The following WDR43 variants were observed in gnomAD, a reference collection of about 807,000 sequenced individuals.
WDR43 encodes WD repeat-containing protein 43.
WDR43 carries 13 observed loss-of-function variants against 91.4 expected under a neutral mutation model. The observed-to-expected ratio is 0.14, with a 90% CI of 0.09 to 0.23. The LOEUF is 0.23. Among genes scored for constraint, WDR43 ranks in the 10% least tolerant of loss-of-function variants. The probability of loss-of-function intolerance (pLI) is 1.00; values close to 1 mark genes in which losing one functional copy is unlikely to be tolerated. For missense variants in WDR43, 780 were observed against 809.4 expected, an observed-to-expected ratio of 0.96 and a Z score of 0.44; for synonymous variants, 331 against 287.9, an observed-to-expected ratio of 1.15 and a Z score of -1.51.
Position 28,940,511 on chromosome 2 carries a change from T to A in WDR43, c.1621-950T>A, listed in dbSNP as rs1671415810. The stretch of plus-strand genomic sequence containing the variant: ...TCCCAAAGTGCTGGGATTACAGGCA[T>A]GAGCCACCGCGCCCAGCTGCCAGCG... On this transcript the variant is annotated intron_variant, in intron 14 of 17. Coordinates refer to ENST00000407426, the MANE Select transcript of WDR43 (RefSeq NM_015131.3). Among the ~76,000 whole-genome samples, 4 of 152,188 alleles carry A rather than the reference T, an allele frequency of 2.6e-5. No homozygotes were observed. The South Asian group carries it at 8.3e-4, about 31-fold the overall frequency.
chr2:28,929,334 T>C (rs1047796609), intron 10 of WDR43, among the ~76,000 whole-genome samples: 4 of 152,188 alleles, frequency 2.6e-5, no homozygotes, highest in African/African-American at 9.7e-5. Flanking sequence ...GAATGAACAT[T>C]TTCAAACTAT....
chr2:28,899,228 T>G (rs1159708440), intron 1 of WDR43, among the ~76,000 whole-genome samples: 1 of 152,260 alleles, frequency 6.6e-6, no homozygotes, highest in East Asian at 1.9e-4. Context: ...ATCTGTATAA[T>G]CTGTGCTGGG....
intron 7 of WDR43, 88 bp from the exon 8 acceptor site, chr2:28,924,894 C>G: frequency 6.7e-7 from 1 of 1,490,120 alleles, no homozygotes; most frequent in Non-Finnish European, 9.1e-7. Flanking sequence ...AGAGGGGGGT[C>G]ACATTTCGTG....
Position 28,946,961 on chromosome 2 carries a change from T to A in WDR43, c.*182T>A. 1.6e-6 allele frequency: 1 copy of A among 613,460 alleles called. No homozygotes were observed. Among genetic ancestry groups the A allele is most frequent in the African/African-American group, 1.8e-5 (1 of 54,158 alleles). The allele number at this position is 613,460 out of a possible 1,614,324, so 38.0% of individuals were successfully genotyped here. On this transcript the variant is annotated 3_prime_UTR_variant, in exon 18 of 18. Coordinates refer to ENST00000407426, the MANE Select transcript of WDR43 (RefSeq NM_015131.3). The stretch of plus-strand genomic sequence containing the variant: ...TGACTGTGTAAATAAGAGTGTTTCA[T>A]TCAAATGTTAATAAACTTTACACAG...
intron 4 of WDR43, chr2:28,913,730 C>G (rs759998918): frequency 5.6e-6 from 3 of 534,828 alleles, no homozygotes; most frequent in Non-Finnish European, 1.1e-5. Flanking sequence ...CCTACAATTC[C>G]TTGGCTGTGT....
At chr2:28,902,159 G>T in intron 2 of WDR43, 35 bp downstream of exon 2, 1 of 1,520,302 alleles carries the variant, frequency 6.6e-7, no homozygotes, top group South Asian at 1.3e-5. Flanking sequence ...AAAGTGATGT[G>T]ACAGGGAAGC....
intron 6 of WDR43, among the ~76,000 whole-genome samples, chr2:28,920,212 T>A (rs1323217005): frequency 7.9e-6 from 1 of 127,046 alleles, no homozygotes; most frequent in East Asian, 2.0e-4. Context: ...TAAAAATAAA[T>A]TTTTTTTCTT....
At chr2:28,942,516 C>T in intron 16 of WDR43, 135 bp downstream of exon 16, 2 of 905,702 alleles carry the variant, frequency 2.2e-6, no homozygotes, top group Non-Finnish European at 3.3e-6. Context: ...ATAGGCAAGT[C>T]CGTGGCAAAA....
chr2:28,898,576 C>G (rs1345037435), intron 1 of WDR43, among the ~76,000 whole-genome samples: 1 of 152,048 alleles, frequency 6.6e-6, no homozygotes, highest in Non-Finnish European at 1.5e-5. Context: ...GATTAGGAGA[C>G]TAATTGCAGA....
Position 28,943,761 on chromosome 2 carries a change from A to G in WDR43, c.1804+1380A>G, listed in dbSNP as rs182190520. Among the ~76,000 whole-genome samples the G allele has an allele frequency of 2.0e-5, 3 of 152,304 alleles. No homozygotes were observed. The East Asian group carries it at 5.8e-4, about 29-fold the overall frequency. On this transcript the variant is annotated intron_variant, in intron 16 of 17. Transcript: ENST00000407426. ...ACTGATAATTTATATGGAACAAAAA[A>G]TTTTACCATTATCACATCACACATC...
intron 2 of WDR43, among the ~76,000 whole-genome samples, chr2:28,902,519 G>A (rs1356621458): frequency 2.6e-5 from 4 of 152,230 alleles, no homozygotes; most frequent in African/African-American, 9.6e-5. Flanking sequence ...TTGAAGAGTG[G>A]CCCCATGGGC....
intron 10 of WDR43, among the ~76,000 whole-genome samples, chr2:28,929,126 T>A (rs1671196578): frequency 6.6e-6 from 1 of 152,250 alleles, no homozygotes; most frequent in Non-Finnish European, 1.5e-5. Context: ...GAAGACATTT[T>A]AAAAAATTGT....
In WDR43 at chr2:28,914,093, G is replaced by A; in HGVS notation, c.631G>A (p.Val211Ile). Reference protein sequence around the residue: ...YRHFTGHATPVSSLMFTTIRP... With the variant: ...YRHFTGHATPISSLMFTTIRP... ...GCATTTCACAGGACATGCAACGCCA[G>A]TTTCGTCACTGATGTTCACTACCAT... Residue 211 changes from valine (V) to isoleucine (I), a missense_variant, in exon 5 of 18, where the codon GTT (valine) becomes ATT (isoleucine). By Grantham distance (29) the Val-to-Ile change is conservative. Around this residue, in one of 4 missense-constraint regions of WDR43, gnomAD observed 174 missense variants for 207.3 expected, o/e 0.84. Transcript: ENST00000407426. The A allele has an allele frequency of 6.2e-7, 1 of 1,613,866 alleles. No individual in the cohort carries two copies. The highest frequency in any genetic ancestry group is 8.5e-7 in the Non-Finnish European group (1 of 1,179,838).
rs777348141 is a variant in WDR43, at chr2:28,894,853, A to G, written c.155A>G (p.Tyr52Cys). The G allele has an allele frequency of 1.9e-6, 3 of 1,610,858 alleles. No individual in the cohort carries two copies. Among genetic ancestry groups the G allele is most frequent in the Admixed American group, 3.4e-5 (2 of 59,676 alleles). Residue 52 changes from tyrosine (Y) to cysteine (C), a missense_variant, in exon 1 of 18, where the codon TAC becomes TGC. Tyr to Cys is a radical substitution (Grantham distance 194). This residue lies in a region of WDR43 where 175 missense variants were observed against 113.8 expected (regional missense o/e 1.54). Transcript: ENST00000407426. ...GCCAACAACCGGCTGCACCAGGAGTACGTGCCTTCCGCGCACCTCAGTGGT... is the reference window on the plus strand; with the variant it reads ...GCCAACAACCGGCTGCACCAGGAGTGCGTGCCTTCCGCGCACCTCAGTGGT... ...ETANNRLHQE[Y>C]VPSAHLSGTC...
chr2:28,938,689 C>T (rs1190801423), intron 14 of WDR43, among the ~76,000 whole-genome samples: 1 of 152,206 alleles, frequency 6.6e-6, no homozygotes, highest in Non-Finnish European at 1.5e-5. Flanking sequence ...CACCCAACTC[C>T]TGCCTTGTCA....
At chr2:28,913,314 A>G (rs187670108) in intron 4 of WDR43, among the ~76,000 whole-genome samples, 2 of 151,978 alleles carry the variant, frequency 1.3e-5, no homozygotes, top group African/African-American at 4.8e-5. Flanking sequence ...ATCCACAAAA[A>G]AGAAAGTTAC....
chr2:28,910,327 A>G (rs1476164700), intron 3 of WDR43, among the ~76,000 whole-genome samples: 6 of 152,200 alleles, frequency 3.9e-5, no homozygotes, highest in South Asian at 2.1e-4. Flanking sequence ...CGTAGTAAGT[A>G]TATGTTGAAT....
intron 3 of WDR43, among the ~76,000 whole-genome samples, chr2:28,911,614 A>G (rs1252805869): frequency 1.4e-5 from 2 of 146,402 alleles, no homozygotes; most frequent in Non-Finnish European, 3.0e-5. Context: ...CTCTTTTGTT[A>G]TTCAGGTTCC....
intron 11 of WDR43, 38 bp from the exon 12 acceptor site, chr2:28,935,483 A>T (rs1415218607): frequency 7.0e-7 from 1 of 1,419,856 alleles, no homozygotes; most frequent in Non-Finnish European, 9.7e-7. Context: ...TTGGTTTGTC[A>T]GTATGCTCAT....
Sources: gnomAD v4.1 joint callset for allele counts (sites outside exome capture counted in the v4.1 genomes callset) on GRCh38, gnomAD v4.1.1 for gene constraint, gnomAD v4.1.1 regional missense constraint, MANE v1.5 for transcripts, NCBI Gene and HGNC (gene_info 2026-07-23, HGNC 2026-07-21) for gene names.